Variants in SLC25A48 observed in about 807,000 individuals in gnomAD.
The protein encoded by SLC25A48 is solute carrier family 25 member 48.
Under a neutral mutation model 32.2 loss-of-function variants are expected in SLC25A48, and 29 were observed. The observed-to-expected ratio is 0.90, with a 90% CI of 0.67 to 1.23. The LOEUF (loss-of-function observed/expected upper bound fraction) is 1.23, where lower values mean the gene tolerates loss of function less well. Ranked by LOEUF, SLC25A48 falls within the 50% of genes most tolerant of loss-of-function variation. The pLI is 0.00. For missense variants in SLC25A48, 399 were observed against 422.7 expected (o/e 0.94, Z 0.49); for synonymous variants, 164 against 172.3 (o/e 0.95, Z 0.38).
intron 7 of SLC25A48, among the ~76,000 whole-genome samples, chr5:135,882,261 A>T (rs925238705): frequency 5.3e-5 from 8 of 152,232 alleles, no homozygotes; most frequent in African/African-American, 1.2e-4. Flanking sequence ...AGTCTTGCCC[A>T]TGGCATTCAA....
intron 6 of SLC25A48, among the ~76,000 whole-genome samples, chr5:135,874,394 C>A (rs538822530): frequency 6.6e-6 from 1 of 152,196 alleles, no homozygotes; most frequent in Non-Finnish European, 1.5e-5. Context: ...GGTAACCTGC[C>A]GCAGCCACAC....
chr5:135,604,486 A>G (rs1330371146), intron 1 of SLC25A48, among the ~76,000 whole-genome samples: 1 of 152,236 alleles, frequency 6.6e-6, no homozygotes, highest in Non-Finnish European at 1.5e-5. Context: ...TGGGGAGGCC[A>G]GGGCTCAGAA....
At chr5:135,650,301 C>T in intron 3 of SLC25A48, 1 of 402,556 alleles carries the variant, frequency 2.5e-6, no homozygotes, top group Non-Finnish European at 4.9e-6. Context: ...CCTTTCTCCT[C>T]CCTTTTCCTT....
chr5:135,795,075 G>A lies in SLC25A48; in HGVS notation c.-520-17448G>A, dbSNP rs141061581. ...GTTTGTAATCTCCAGGAGAGAAGAG[G>A]ATATTACTCTTAGCATCACAGGGGC... On this transcript the variant is annotated intron_variant, in intron 3 of 10. Coordinates refer to the SLC25A48 transcript ENST00000646290. 2.6e-3 allele frequency among the ~76,000 whole-genome samples: 391 copies of A among 151,750 alleles called. 1 individual carries two copies. The highest frequency in any genetic ancestry group is 4.5e-3 in the Non-Finnish European group (307 of 67,882).
At chr5:135,647,046 G>A (rs1186738559) in intron 3 of SLC25A48, among the ~76,000 whole-genome samples, 1 of 151,518 alleles carries the variant, frequency 6.6e-6, no homozygotes, top group Non-Finnish European at 1.5e-5. Context: ...TGATGGATAT[G>A]TTAATTAGGT....
At chr5:135,763,790 CGAGAGAG>C (rs1756126380) in intron 3 of SLC25A48, among the ~76,000 whole-genome samples, 1 of 151,192 alleles carries the variant, frequency 6.6e-6, no homozygotes, top group South Asian at 2.1e-4. Flanking sequence ...CACACACACA[CGAGAGAG>C]AGACAGAGAA....
At chr5:135,751,331 G>A (rs572577185) in intron 3 of SLC25A48, among the ~76,000 whole-genome samples, 1 of 152,262 alleles carries the variant, frequency 6.6e-6, no homozygotes, top group Non-Finnish European at 1.5e-5. Context: ...GTGACTCAAG[G>A]CAACTAAGTT....
At chr5:135,784,978 A>C (rs1756798802) in intron 3 of SLC25A48, among the ~76,000 whole-genome samples, 1 of 59,342 alleles carries the variant, frequency 1.7e-5, no homozygotes, top group Non-Finnish European at 6.2e-5. Flanking sequence ...CTCCAAAAAT[A>C]ACAGTAGTTG....
upstream of SLC25A48, among the ~76,000 whole-genome samples, chr5:135,833,638 A>G (rs1758288817): frequency 2.6e-5 from 4 of 152,150 alleles, no homozygotes; most frequent in South Asian, 8.3e-4. Flanking sequence ...GAACTTTGCA[A>G]TACTTCCCTA....
intron 7 of SLC25A48, chr5:135,883,596 C>G: frequency 1.7e-6 from 1 of 581,914 alleles, no homozygotes; most frequent in South Asian, 7.6e-5. Context: ...AGAAACTGAG[C>G]CGGGGCAGCC....
At chr5:135,687,028 TTTAAAACAATCCA>T (rs1754034332) in intron 3 of SLC25A48, among the ~76,000 whole-genome samples, 1 of 152,018 alleles carries the variant, frequency 6.6e-6, no homozygotes, top group African/African-American at 2.4e-5. Context: ...CATGACAATT[TTTAAAACAATCCA>T]TTAAGTGGCT....
chr5:135,662,198 C>T (rs1753419352), intron 3 of SLC25A48, among the ~76,000 whole-genome samples: 1 of 152,120 alleles, frequency 6.6e-6, no homozygotes, highest in African/African-American at 2.4e-5. Flanking sequence ...AATGGTGGAG[C>T]ATCTCTTCTG....
chr5:135,700,361 G>A, intron 3 of SLC25A48, among the ~76,000 whole-genome samples: 1 of 89,172 alleles, frequency 1.1e-5, no homozygotes. Context: ...GACAGAGCAA[G>A]ACTCTGTCTC....
intron 3 of SLC25A48, among the ~76,000 whole-genome samples, chr5:135,661,310 G>A (rs569912220): frequency 1.7e-4 from 26 of 152,294 alleles, no homozygotes; most frequent in Non-Finnish European, 3.1e-4. Context: ...CAGGTAGCTG[G>A]GAGCAGCTCT....
intron 3 of SLC25A48, among the ~76,000 whole-genome samples, chr5:135,811,901 G>A (rs113415111): frequency 0.13 from 19,918 of 152,142 alleles, 1,711 homozygotes; most frequent in Non-Finnish European, 0.19. Flanking sequence ...GGCCAACATG[G>A]TGAAACTTTG....
Position 135,871,593 on chromosome 5 carries a change from T to C in SLC25A48, c.554T>C (p.Leu185Pro). Residue 185 changes from leucine to proline, a missense_variant, in exon 5 of 8, where the codon CTG (leucine) becomes CCG (proline). Leu to Pro is a moderately conservative substitution (Grantham distance 98). Coordinates refer to ENST00000681962, the MANE Select transcript of SLC25A48 (RefSeq NM_001349336.2). ...CTATACCGGGGGGCCAGTGCCATGC[T>C]GCTGAGGGATGTCCCAGGCTATTGC... ...AGLYRGASAM[L>P]LRDVPGYCLY... The C allele has an allele frequency of 6.2e-7, 1 of 1,614,194 alleles. No individual in the cohort carries two copies.
intron 4 of SLC25A48, among the ~76,000 whole-genome samples, chr5:135,869,195 A>G (rs2126797355): frequency 6.6e-6 from 1 of 152,340 alleles, no homozygotes; most frequent in East Asian, 1.9e-4. Flanking sequence ...TCAAAAAAAA[A>G]TATTGTGAAT....
At chr5:135,856,405 G>A (rs1760322184) in intron 4 of SLC25A48, among the ~76,000 whole-genome samples, 1 of 152,202 alleles carries the variant, frequency 6.6e-6, no homozygotes, top group Non-Finnish European at 1.5e-5. Flanking sequence ...CTGGGTTTCA[G>A]CATGTATCAT....
At chr5:135,628,494 C>G (rs1209164146) in intron 1 of SLC25A48, among the ~76,000 whole-genome samples, 2 of 152,122 alleles carry the variant, frequency 1.3e-5, no homozygotes, top group Admixed American at 1.3e-4. Context: ...GAGAGAAGAA[C>G]AGAAGACGGG....
Sources: allele counts gnomAD v4.1 joint callset (sites outside exome capture counted in the v4.1 genomes callset), GRCh38; gene constraint gnomAD v4.1.1; transcripts MANE v1.5; gene names NCBI Gene and HGNC (gene_info 2026-07-23, HGNC 2026-07-21).